Variants in PCDHGB1 observed in about 807,000 individuals in gnomAD.
The protein encoded by PCDHGB1 is protocadherin gamma subfamily B, 1.
In PCDHGB1, 34 loss-of-function variants were observed where a neutral mutation model predicts 56.6. That is an observed-to-expected ratio of 0.60 (90% CI 0.46 to 0.80). PCDHGB1 has a LOEUF of 0.80. Among genes scored for constraint, PCDHGB1 ranks in the 30% least tolerant of loss-of-function variants. The pLI, the probability that PCDHGB1 is intolerant of heterozygous loss-of-function variation, is 0.00. For missense variants in PCDHGB1, 1,278 were observed against 1,204.6 expected, an observed-to-expected ratio of 1.06 and a Z score of -0.90; for synonymous variants, 561 against 505.9, an observed-to-expected ratio of 1.11 and a Z score of -1.46.
intron 1 of PCDHGB1, chr5:141,355,947 A>C: frequency 1.2e-6 from 2 of 1,613,908 alleles, no homozygotes; most frequent in Non-Finnish European, 1.7e-6. Flanking sequence ...AGTACCACGT[A>C]AGTGTTCGTG....
At chr5:141,380,678 T>C (rs1387633000) in intron 1 of PCDHGB1, among the ~76,000 whole-genome samples, 3 of 152,250 alleles carry the variant, frequency 2.0e-5, no homozygotes, top group Non-Finnish European at 4.4e-5. Flanking sequence ...AGGGTATGTA[T>C]GCTTTGTGTT....
chr5:141,496,163 A>T (rs1249396595), intron 2 of PCDHGB1, among the ~76,000 whole-genome samples: 2 of 150,100 alleles, frequency 1.3e-5, no homozygotes, highest in Non-Finnish European at 3.0e-5. Flanking sequence ...TCCACCAGAC[A>T]CCCTCCCATC....
intron 1 of PCDHGB1, chr5:141,374,893 T>C (rs1261699013): frequency 1.9e-6 from 3 of 1,613,834 alleles, no homozygotes. Context: ...CCGACCAGGA[T>C]GAAGGAGTCC....
chr5:141,453,341 C>T (rs1327119655), intron 1 of PCDHGB1, among the ~76,000 whole-genome samples: 2 of 151,822 alleles, frequency 1.3e-5, no homozygotes, highest in East Asian at 3.9e-4. Context: ...CTATGTTTCC[C>T]CAGGCTGACC....
At chr5:141,399,760 C>T in intron 1 of PCDHGB1, 3 of 1,613,342 alleles carry the variant, frequency 1.9e-6, no homozygotes, top group Non-Finnish European at 2.5e-6. Flanking sequence ...CGTGAGCCTG[C>T]GCGTGTTGGT....
intron 1 of PCDHGB1, chr5:141,357,046 C>T: frequency 6.2e-7 from 1 of 1,614,054 alleles, no homozygotes; most frequent in Non-Finnish European, 8.5e-7. Context: ...CGAGCCGGGA[C>T]TATTTGCAGT....
At chr5:141,353,805 C>T (rs1034354632) in intron 1 of PCDHGB1, among the ~76,000 whole-genome samples, 3 of 152,170 alleles carry the variant, frequency 2.0e-5, no homozygotes, top group Non-Finnish European at 2.9e-5. Context: ...TCTTATTTCA[C>T]CTCTCAATCA....
intron 1 of PCDHGB1, among the ~76,000 whole-genome samples, chr5:141,452,356 C>G (rs1008914676): frequency 6.6e-6 from 1 of 152,148 alleles, no homozygotes; most frequent in African/African-American, 2.4e-5. Flanking sequence ...ATCCAAAAGC[C>G]TTGCTTCATT....
At chr5:141,393,168 G>T (rs1486915956) in intron 1 of PCDHGB1, 1 of 1,613,100 alleles carries the variant, frequency 6.2e-7, no homozygotes, top group Non-Finnish European at 8.5e-7. Context: ...ACTCTTTGGG[G>T]TAGAAATAGA....
chr5:141,448,818 G>A (rs2098609016), intron 1 of PCDHGB1, among the ~76,000 whole-genome samples: 1 of 151,984 alleles, frequency 6.6e-6, no homozygotes, highest in Admixed American at 6.6e-5. Context: ...GATGGCGGGC[G>A]CCTGTAGTCC....
At chr5:141,437,895 A>G (rs911855268) in intron 1 of PCDHGB1, among the ~76,000 whole-genome samples, 23 of 151,954 alleles carry the variant, frequency 1.5e-4, no homozygotes, top group African/African-American at 4.8e-4. Flanking sequence ...ACGCCACCAC[A>G]CCCAGCTAAT....
At chr5:141,363,502 A>G (rs368681590) in intron 1 of PCDHGB1, among the ~76,000 whole-genome samples, 2 of 152,230 alleles carry the variant, frequency 1.3e-5, no homozygotes, top group East Asian at 3.9e-4. Flanking sequence ...ATAAAACCCC[A>G]TCCTCCACAG....
At chr5:141,419,751 C>T (rs140649685) in intron 1 of PCDHGB1, 1 of 1,613,900 alleles carries the variant, frequency 6.2e-7, no homozygotes, top group African/African-American at 1.3e-5. Flanking sequence ...ATGGTGCGTG[C>T]TTTGGGTGAC....
At position 141,510,228 on chromosome 5, in the gene PCDHGB1, G is replaced by A. The variant is rs529723748; in HGVS notation, c.2558-719G>A. The stretch of plus-strand genomic sequence containing the variant: ...GCAGAGGTTGCAGTGAGCCGGGATC[G>A]CGCCACTGCACTCCAGGCTGGGCGA... On this transcript the variant is annotated intron_variant, in intron 3 of 3. Coordinates refer to ENST00000523390, the MANE Select transcript of PCDHGB1 (RefSeq NM_018922.3). Among the ~76,000 whole-genome samples the A allele has an allele frequency of 1.4e-3, 208 of 150,722 alleles. 1 individual carries two copies. Among genetic ancestry groups the A allele is most frequent in the African/African-American group, 4.7e-3 (193 of 40,860 alleles).
chr5:141,467,042 G>T (rs2099134710), intron 1 of PCDHGB1, among the ~76,000 whole-genome samples: 1 of 149,884 alleles, frequency 6.7e-6, no homozygotes. Context: ...TTTGTGTAAT[G>T]AATCAATGTT....
intron 1 of PCDHGB1, chr5:141,361,485 A>G (rs1762045132): frequency 1.9e-6 from 3 of 1,614,034 alleles, no homozygotes; most frequent in Non-Finnish European, 2.5e-6. Flanking sequence ...ATAATGCCCC[A>G]GTTTTCCAAC....
intron 1 of PCDHGB1, chr5:141,422,638 T>G (rs1412270971): frequency 6.2e-7 from 1 of 1,612,392 alleles, no homozygotes. Context: ...CAGGGGTGCC[T>G]CCATCTTCTC....
At chr5:141,390,150 C>T (rs768850867) in intron 1 of PCDHGB1, 1 of 1,613,916 alleles carries the variant, frequency 6.2e-7, no homozygotes, top group African/African-American at 1.3e-5. Flanking sequence ...ATGTGTTGCA[C>T]ATACAGGAAA....
chr5:141,399,321 T>C (rs1356696829), intron 1 of PCDHGB1: 2 of 1,613,978 alleles, frequency 1.2e-6, no homozygotes, highest in Admixed American at 1.7e-5. Context: ...AAAATTCGTA[T>C]AAGTTGGTAA....
Sources: allele counts gnomAD v4.1 joint callset (sites outside exome capture counted in the v4.1 genomes callset), GRCh38; gene constraint gnomAD v4.1.1; transcripts MANE v1.5; gene names NCBI Gene and HGNC (gene_info 2026-07-23, HGNC 2026-07-21).